Variants in MYO1B observed in about 807,000 individuals in gnomAD.
MYO1B encodes the protein unconventional myosin-Ib.
In MYO1B, 72 loss-of-function variants were observed where a neutral mutation model predicts 159.7. The observed-to-expected ratio is 0.45, with a 90% CI of 0.37 to 0.55. MYO1B has a LOEUF of 0.55. Among genes scored for constraint, MYO1B ranks in the 20% least tolerant of loss-of-function variants. The probability of loss-of-function intolerance (pLI) is 0.00; values close to 1 mark genes in which losing one functional copy is unlikely to be tolerated. For synonymous variants in MYO1B, 468 were observed against 473.8 expected (o/e 0.99, Z 0.16); for missense variants, 1,062 against 1,364.8 (o/e 0.78, Z 3.50).
intron 1 of MYO1B, among the ~76,000 whole-genome samples, chr2:191,272,951 G>T (rs1239350024): frequency 6.6e-6 from 1 of 152,024 alleles, no homozygotes. Context: ...AATGCTTTTT[G>T]TTGCAAATAA....
chr2:191,393,917 C>G (rs1695914995), intron 20 of MYO1B, among the ~76,000 whole-genome samples: 1 of 152,136 alleles, frequency 6.6e-6, no homozygotes, highest in African/African-American at 2.4e-5. Context: ...GGGCTGTGTT[C>G]TCACAAAATG....
intron 26 of MYO1B, among the ~76,000 whole-genome samples, chr2:191,409,848 A>C (rs1697155509): frequency 6.6e-6 from 1 of 152,178 alleles, no homozygotes; most frequent in African/African-American, 2.4e-5. Flanking sequence ...TAGTCAGTTG[A>C]TATGTGGAAT....
chr2:191,332,405 A>C (rs1437517069), intron 4 of MYO1B, among the ~76,000 whole-genome samples: 2 of 152,038 alleles, frequency 1.3e-5, no homozygotes, highest in East Asian at 3.9e-4. Context: ...TGCTCAATCA[A>C]CTATTGATGA....
intron 27 of MYO1B, among the ~76,000 whole-genome samples, chr2:191,411,792 T>G (rs1431016010): frequency 1.3e-5 from 2 of 152,190 alleles, no homozygotes; most frequent in Non-Finnish European, 2.9e-5. Flanking sequence ...AAGTCCTTGG[T>G]AAAGACTGTT....
intron 24 of MYO1B, among the ~76,000 whole-genome samples, chr2:191,406,130 T>C (rs558341906): frequency 6.6e-6 from 1 of 152,274 alleles, no homozygotes; most frequent in African/African-American, 2.4e-5. Flanking sequence ...TCATGAAAAG[T>C]TAATAAACTT....
intron 24 of MYO1B, among the ~76,000 whole-genome samples, chr2:191,407,440 A>G (rs1053995657): frequency 1.3e-5 from 2 of 152,216 alleles, no homozygotes; most frequent in African/African-American, 4.8e-5. Flanking sequence ...TTCATTTGTT[A>G]TACAAACACT....
intron 18 of MYO1B, 61 bp from the exon 19 acceptor site, chr2:191,392,047 T>G (rs148393361): frequency 9.6e-6 from 12 of 1,249,464 alleles, no homozygotes; most frequent in Non-Finnish European, 1.4e-5. Context: ...GATACCATGA[T>G]AGAAGATAAA....
chr2:191,396,664 T>C (rs1007153642), intron 21 of MYO1B, among the ~76,000 whole-genome samples, 167 bp downstream of exon 21: 9 of 152,188 alleles, frequency 5.9e-5, no homozygotes, highest in African/African-American at 2.2e-4. Context: ...GGGACCCTGG[T>C]GACCATGTCT....
At chr2:191,302,021 T>G (rs1973067) in intron 3 of MYO1B, among the ~76,000 whole-genome samples, 1 of 151,976 alleles carries the variant, frequency 6.6e-6, no homozygotes, top group Non-Finnish European at 1.5e-5. Context: ...CCCACTACTC[T>G]CCTTTGTGGA....
chr2:191,327,061 A>G (rs1487126217), intron 3 of MYO1B, among the ~76,000 whole-genome samples: 3 of 152,172 alleles, frequency 2.0e-5, no homozygotes, highest in African/African-American at 7.2e-5. Flanking sequence ...TTATCTGAAC[A>G]TTGGAGGAGC....
intron 2 of MYO1B, among the ~76,000 whole-genome samples, chr2:191,294,376 CT>C (rs1257549447): frequency 1.3e-5 from 2 of 152,140 alleles, no homozygotes; most frequent in Non-Finnish European, 2.9e-5. Context: ...TCAAATAGTA[CT>C]TTTCTACTTA....
chr2:191,399,149 G>T (rs1232814951), intron 21 of MYO1B, among the ~76,000 whole-genome samples: 7 of 152,202 alleles, frequency 4.6e-5, no homozygotes, highest in African/African-American at 1.7e-4. Context: ...ACCTGCAATC[G>T]CAGGCACTCG....
intron 21 of MYO1B, among the ~76,000 whole-genome samples, chr2:191,398,597 G>A (rs1446883929): frequency 6.6e-6 from 1 of 151,018 alleles, no homozygotes; most frequent in Non-Finnish European, 1.5e-5. Flanking sequence ...ACAGGGTTGC[G>A]GCCCAGCAGA....
chr2:191,420,565 T>C (rs1026838380), intron 30 of MYO1B, among the ~76,000 whole-genome samples: 16 of 152,242 alleles, frequency 1.1e-4, no homozygotes, highest in African/African-American at 3.9e-4. Context: ...TTTGGGTAAA[T>C]GCACTCACTC....
intron 2 of MYO1B, among the ~76,000 whole-genome samples, chr2:191,281,359 A>G (rs1361189242): frequency 6.6e-6 from 1 of 152,174 alleles, no homozygotes; most frequent in Non-Finnish European, 1.5e-5. Flanking sequence ...GCTGCAACAC[A>G]CAGGGTCAGA....
At chr2:191,293,990 C>A (rs1486538085) in intron 2 of MYO1B, among the ~76,000 whole-genome samples, 1 of 152,038 alleles carries the variant, frequency 6.6e-6, no homozygotes, top group African/African-American at 2.4e-5. Context: ...TGGCTTGTAC[C>A]CTCCAATTAG....
chr2:191,390,606 C>T (rs1695687966), intron 18 of MYO1B, 114 bp downstream of exon 18: 1 of 1,230,856 alleles, frequency 8.1e-7, no homozygotes, highest in African/African-American at 1.5e-5. Flanking sequence ...TGGATGTAAC[C>T]TCTGTTTTGG....
chr2:191,305,025 TG>T (rs1472423957), intron 3 of MYO1B, among the ~76,000 whole-genome samples: 8 of 152,230 alleles, frequency 5.3e-5, no homozygotes, highest in Admixed American at 5.2e-4. Flanking sequence ...TGAGAAGTTC[TG>T]CAACATCCTG....
intron 3 of MYO1B, among the ~76,000 whole-genome samples, chr2:191,311,513 G>T (rs574942596): frequency 6.6e-6 from 1 of 152,286 alleles, no homozygotes; most frequent in Non-Finnish European, 1.5e-5. Context: ...CCGTTGCTTT[G>T]CCTTCGAAAG....
Sources: gnomAD v4.1 joint callset for allele counts (sites outside exome capture counted in the v4.1 genomes callset) on GRCh38, gnomAD v4.1.1 for gene constraint, MANE v1.5 for transcripts, NCBI Gene and HGNC (gene_info 2026-07-23, HGNC 2026-07-21) for gene names.